The following UTRN variants were observed in gnomAD, a reference collection of about 807,000 sequenced individuals.
UTRN encodes dystrophin-related protein 1.
A neutral mutation model predicts 463.9 loss-of-function variants in UTRN; 283 were observed. That is an observed-to-expected ratio of 0.61 (90% CI 0.55 to 0.67). The LOEUF (loss-of-function observed/expected upper bound fraction) is 0.67. Ranked by LOEUF, UTRN falls within the 30% of genes least tolerant of loss-of-function variation. The pLI, the probability that UTRN is intolerant of heterozygous loss-of-function variation, is 0.00. For synonymous variants in UTRN, 1,442 were observed against 1,431.5 expected, an observed-to-expected ratio of 1.01 and a Z score of -0.17; for missense variants, 3,922 against 4,084.3, an observed-to-expected ratio of 0.96 and a Z score of 1.08.
chr6:144,642,531 T>C (rs1777876882), intron 51 of UTRN, among the ~76,000 whole-genome samples: 1 of 152,222 alleles, frequency 6.6e-6, no homozygotes, highest in African/African-American at 2.4e-5. Context: ...TCCTCCTGTT[T>C]TGTACTAGTG....
chr6:144,722,941 A>G (rs1362725139), intron 53 of UTRN, among the ~76,000 whole-genome samples: 2 of 152,196 alleles, frequency 1.3e-5, no homozygotes, highest in African/African-American at 4.8e-5. Context: ...AACCCACACA[A>G]TCATGAAAAA....
chr6:144,710,625 A>G (rs1785580844), intron 53 of UTRN, among the ~76,000 whole-genome samples: 1 of 152,244 alleles, frequency 6.6e-6, no homozygotes. Context: ...CAGTGCTTCA[A>G]CAATACATAA....
intron 53 of UTRN, chr6:144,708,212 A>T (rs894522503): frequency 1.7e-6 from 1 of 600,352 alleles, no homozygotes; most frequent in African/African-American, 1.9e-5. Flanking sequence ...GCTTGAAGAG[A>T]ATCTTGTAAA....
intron 2 of UTRN, among the ~76,000 whole-genome samples, chr6:144,368,852 A>T (rs1249937991): frequency 6.6e-6 from 1 of 152,190 alleles, no homozygotes; most frequent in Non-Finnish European, 1.5e-5. Flanking sequence ...GAAATTACAG[A>T]TCAGGATCTA....
intron 2 of UTRN, among the ~76,000 whole-genome samples, chr6:144,328,057 C>T (rs1428853236): frequency 1.3e-5 from 2 of 152,106 alleles, no homozygotes; most frequent in African/African-American, 4.8e-5. Flanking sequence ...TGAGGGAAAT[C>T]GGAGTGTAAT....
At chr6:144,846,682 T>G in intron 73 of UTRN, 123 bp from the exon 74 acceptor site, 1 of 1,332,128 alleles carries the variant, frequency 7.5e-7, no homozygotes, top group East Asian at 2.4e-5. Context: ...AGCATCCATT[T>G]AACAACTGGG....
chr6:144,598,898 G>A (rs570656690), intron 51 of UTRN, among the ~76,000 whole-genome samples: 23 of 152,264 alleles, frequency 1.5e-4, no homozygotes, highest in African/African-American at 4.8e-4. Flanking sequence ...TTGGTTGGGG[G>A]CCATAGAATT....
At position 144,561,246 on chromosome 6, in the gene UTRN, T is replaced by C. The variant is rs1359220323; in HGVS notation, c.7289+3935T>C. 3.0e-4 allele frequency among the ~76,000 whole-genome samples: 23 copies of C among 76,622 alleles called. 3 individuals are homozygous for C. Among genetic ancestry groups the C allele is most frequent in the East Asian group, 2.8e-3 (9 of 3,208 alleles). 50.3% of individuals were successfully genotyped at this position (76,622 alleles called of 152,430 possible). On this transcript the variant is annotated intron_variant, in intron 50 of 74. Transcript: ENST00000367545. ...ATATATATATATATATATATATATA[T>C]ATATATATATATATACATACACACA...
chr6:144,767,047 C>A (rs1372288366), intron 58 of UTRN, among the ~76,000 whole-genome samples: 2 of 151,752 alleles, frequency 1.3e-5, no homozygotes, highest in African/African-American at 4.8e-5. Flanking sequence ...TTTAGGTTTT[C>A]AATGAAGCGT....
intron 50 of UTRN, among the ~76,000 whole-genome samples, chr6:144,568,660 A>T (rs1244335670): frequency 1.3e-5 from 2 of 152,196 alleles, no homozygotes; most frequent in Non-Finnish European, 2.9e-5. Flanking sequence ...TTTCGTTTAC[A>T]TGCAGCAATT....
At chr6:144,705,948 A>T (rs1255684485) in intron 53 of UTRN, among the ~76,000 whole-genome samples, 1 of 151,798 alleles carries the variant, frequency 6.6e-6, no homozygotes, top group African/African-American at 2.4e-5. Flanking sequence ...GTTAGGGCTA[A>T]TGATTATGCA....
chr6:144,558,910 G>C (rs1799618961), intron 50 of UTRN, among the ~76,000 whole-genome samples: 1 of 152,062 alleles, frequency 6.6e-6, no homozygotes, highest in Non-Finnish European at 1.5e-5. Context: ...ATTACAGTAA[G>C]TACGATGAAT....
chr6:144,286,493 GC>G lies in UTRN; in HGVS notation c.-93+676del, dbSNP rs1449221632. On this transcript the variant is annotated intron_variant, in intron 1 of 74. Transcript: ENST00000367545. The surrounding 1 kb of genome is among the most constrained non-coding windows in gnomAD (Gnocchi z 4.4). ...ACTGAGGGGACAGGAGGAGGGGGGC[GC>G]CCCATTGGTGTGTAGTCCCGCGCAG... 6.6e-6 allele frequency among the ~76,000 whole-genome samples: 1 copy of G among 152,158 alleles called. No homozygotes were observed. Among genetic ancestry groups the G allele is most frequent in the African/African-American group, 2.4e-5 (1 of 41,442 alleles).
At chr6:144,403,817 C>A (rs1261320732) in intron 3 of UTRN, among the ~76,000 whole-genome samples, 1 of 152,078 alleles carries the variant, frequency 6.6e-6, no homozygotes, top group Non-Finnish European at 1.5e-5. Context: ...ATATGATTAT[C>A]TATTAGTTAT....
At chr6:144,343,595 T>C (rs1080022) in intron 2 of UTRN, among the ~76,000 whole-genome samples, 13,438 of 152,046 alleles carry the variant, frequency 0.088, 813 homozygotes, top group African/African-American at 0.17. Context: ...CAAAAGAGAA[T>C]AGGCTGGAAA....
At chr6:144,481,157 C>T (rs1385600663) in intron 26 of UTRN, among the ~76,000 whole-genome samples, 1 of 152,138 alleles carries the variant, frequency 6.6e-6, no homozygotes. Context: ...TTCTTTCAAA[C>T]AGCCATTAGG....
chr6:144,363,057 C>T (rs965013274), intron 2 of UTRN, among the ~76,000 whole-genome samples: 7 of 152,098 alleles, frequency 4.6e-5, no homozygotes, highest in African/African-American at 1.7e-4. Context: ...ATAAGTTTCT[C>T]AGTACATAGC....
At chr6:144,587,667 C>T (rs980261533) in intron 51 of UTRN, among the ~76,000 whole-genome samples, 1 of 152,090 alleles carries the variant, frequency 6.6e-6, no homozygotes, top group Non-Finnish European at 1.5e-5. Context: ...CATTTCCCCA[C>T]CTTTTTTTCA....
At chr6:144,770,010 C>T (rs1793823253) in intron 58 of UTRN, among the ~76,000 whole-genome samples, 1 of 152,120 alleles carries the variant, frequency 6.6e-6, no homozygotes, top group Non-Finnish European at 1.5e-5. Context: ...GTCTTTTGAG[C>T]AATTTGTAGT....
Sources: allele counts gnomAD v4.1 joint callset (sites outside exome capture counted in the v4.1 genomes callset), GRCh38; gene constraint gnomAD v4.1.1; non-coding constraint Gnocchi (gnomAD v3.1); transcripts MANE v1.5; gene names NCBI Gene and HGNC (gene_info 2026-07-23, HGNC 2026-07-21).